Variants in NUP210 observed in about 807,000 individuals in gnomAD.
NUP210 encodes nuclear pore membrane glycoprotein 210.
NUP210 carries 151 observed loss-of-function variants against 196.0 expected under a neutral mutation model. The ratio of observed to expected loss-of-function variants is 0.77; its 90% confidence interval spans 0.67 to 0.88. NUP210 has a LOEUF of 0.88. NUP210 is among the 40% of genes least tolerant of loss of function. The probability of loss-of-function intolerance (pLI) is 0.00; values close to 1 mark genes in which losing one functional copy is unlikely to be tolerated. For synonymous variants in NUP210, 1,070 were observed against 1,052.7 expected (o/e 1.02, Z -0.32); for missense variants, 2,314 against 2,493.7 (o/e 0.93, Z 1.53).
At position 13,352,178 on chromosome 3, in the gene NUP210, G is replaced by T. The variant is rs141400679; in HGVS notation, c.2635C>A (p.Pro879Thr). The change falls in exon 19 of 40, where the codon CCT (proline) becomes ACT (threonine). Residue 879 changes from proline to threonine, a missense_variant. By Grantham distance (38) the Pro-to-Thr change is conservative (BLOSUM62 -1). Coordinates refer to ENST00000254508, the MANE Select transcript of NUP210 (RefSeq NM_024923.4). ...ATGGAGGCCGACAGAGGCACCAGAG[G>T]GTCATGCTGAAGGACAAGGGCAAGG... ...SSARTKQPHDPLVPLSASIEL... is the reference protein window; with the variant it reads ...SSARTKQPHDTLVPLSASIEL... 8 of 1,612,482 alleles carry T rather than the reference G, an allele frequency of 5.0e-6. No individual in the cohort carries two copies. The highest frequency in any genetic ancestry group is 5.1e-6 in the Non-Finnish European group (6 of 1,179,114).
chr3:13,344,672 C>T (rs1016147450), intron 20 of NUP210, among the ~76,000 whole-genome samples: 10 of 152,246 alleles, frequency 6.6e-5, no homozygotes, highest in East Asian at 3.8e-4. Flanking sequence ...AGCCTTACCA[C>T]GCCCTGTAAA....
rs572415394 is a variant in NUP210 at position 13,376,761 on chromosome 3, C to T, written c.1153-330G>A. 3.9e-5 allele frequency among the ~76,000 whole-genome samples: 6 copies of T among 152,324 alleles called. No homozygotes were observed. In the East Asian group the frequency reaches 9.6e-4, roughly 24 times the overall value. On this transcript the variant is annotated intron_variant, in intron 9 of 39. Transcript: ENST00000254508. ...AGTAAATACAAAAAAAAGGACATCA[C>T]GTCCCCTACAGCTAACTGCAAATGG...
rs1311997957 is a variant in NUP210 at position 13,375,560 on chromosome 3, T to C, written c.1375A>G (p.Ser459Gly). The change falls in exon 11 of 40, where the codon AGC (serine) becomes GGC (glycine). Residue 459 changes from serine to glycine, a missense_variant. Ser to Gly is a moderately conservative substitution (Grantham distance 56). Transcript: ENST00000254508. ...EIHIPITLYP[S>G]ILTFPWQPKT... ...GGTTGCCACGGAAATGTCAAGATGC[T>C]GGGATACAGGGTGATCGGGATGTGA... 4 of 1,614,142 alleles carry C rather than the reference T, an allele frequency of 2.5e-6. No homozygotes were observed. Among genetic ancestry groups the C allele is most frequent in the South Asian group, 1.1e-5 (1 of 91,076 alleles).
intron 1 of NUP210, among the ~76,000 whole-genome samples, chr3:13,403,049 C>G (rs546207101): frequency 6.6e-6 from 1 of 152,192 alleles, no homozygotes; most frequent in East Asian, 1.9e-4. Flanking sequence ...CTGCACTCTG[C>G]CTATTCCTCC....
At chr3:13,327,681 T>C (rs1023063503) in intron 31 of NUP210, among the ~76,000 whole-genome samples, 4 of 152,138 alleles carry the variant, frequency 2.6e-5, no homozygotes, top group African/African-American at 9.7e-5. Context: ...AGCCAAACAG[T>C]GGCAGCAGCA....
chr3:13,395,172 G>A (rs1699611899), intron 3 of NUP210, among the ~76,000 whole-genome samples: 1 of 152,158 alleles, frequency 6.6e-6, no homozygotes, highest in Non-Finnish European at 1.5e-5. Flanking sequence ...ACAGTGGCCT[G>A]GGAAGGCTGA....
rs1033836948 is a variant in NUP210, at chr3:13,393,015, C to T, written c.437-1708G>A. Among the ~76,000 whole-genome samples the T allele has an allele frequency of 1.8e-4, 28 of 152,306 alleles. 3 individuals are homozygous for T. The highest frequency in any genetic ancestry group is 8.5e-4 in the Admixed American group (13 of 15,308). ...AATAGTGTGACCCAGTAACCAGAAA[C>T]GCAAGACTGCAGACCACTAGGCAGG... On this transcript the variant is annotated intron_variant, in intron 3 of 39. Coordinates refer to ENST00000254508, the MANE Select transcript of NUP210 (RefSeq NM_024923.4).
At position 13,386,349 on chromosome 3, in the gene NUP210, G is replaced by T; in HGVS notation, c.743C>A (p.Ala248Asp). 3.1e-6 allele frequency: 5 copies of T among 1,614,156 alleles called. No homozygotes were observed. Among genetic ancestry groups the T allele is most frequent in the Non-Finnish European group, 4.2e-6 (5 of 1,180,022 alleles). ...LILENILLNP[A>D]YDVYLMVGTS... ...TCCCACCATCAGGTAGACGTCATAG[G>T]CCGGGTTCAGAAGGATGTTTTCCAA... is the stretch of plus-strand genomic sequence containing the variant. The change falls in exon 6 of 40, where the codon GCC becomes GAC. Residue 248 changes from alanine to aspartate, a missense_variant. Coordinates refer to ENST00000254508, the MANE Select transcript of NUP210 (RefSeq NM_024923.4).
chr3:13,319,393 C>G, intron 37 of NUP210, 68 bp from the exon 38 acceptor site: 3 of 1,305,786 alleles, frequency 2.3e-6, no homozygotes, highest in Non-Finnish European at 3.3e-6. Context: ...CACGTTCCTG[C>G]CCTACTGTAC....
rs1466842354 is a variant in NUP210 at position 13,379,720 on chromosome 3, T to C, written c.819A>G (p.Glu273=). Residue 273 remains glutamate (E), a splice_region_variant and synonymous_variant, in exon 7 of 40, where the codon GAA becomes GAG. Transcript: ENST00000254508. This position sits in a 1 kb window ranked among gnomAD's most constrained non-coding sequence, Gnocchi z 4.2. ...CGTACTGATCGGAAGGCATGGAGAG[T>C]TCTGGCCACCAAGAAACAAAAAATA... The part of the protein sequence containing the change: ...VQKIRQGKIT[E]LSMPSDQYEL... 1.3e-6 allele frequency: 2 copies of C among 1,564,034 alleles called. No homozygotes were observed. Among genetic ancestry groups the C allele is most frequent in the Non-Finnish European group, 1.7e-6 (2 of 1,155,372 alleles).
chr3:13,417,666 A>C (rs1700390824), intron 1 of NUP210, among the ~76,000 whole-genome samples: 1 of 152,220 alleles, frequency 6.6e-6, no homozygotes, highest in Non-Finnish European at 1.5e-5. Context: ...GATTGACAGA[A>C]TGTCTTCCTG....
At chr3:13,325,669 G>C in intron 33 of NUP210, 126 bp downstream of exon 33, 1 of 1,127,238 alleles carries the variant, frequency 8.9e-7, no homozygotes, top group Non-Finnish European at 1.3e-6. Flanking sequence ...CCAGACTCAT[G>C]ACTCCCAGAC....
Position 13,379,830 on chromosome 3 carries a change from G to T in NUP210, c.818-109C>A. ...CCCGAATCTCTGCACTCTGCTCTCA[G>T]TACAGCTGACGCATTTTCTTAATTG... On this transcript the variant is annotated intron_variant, in intron 6 of 39. Coordinates refer to ENST00000254508, the MANE Select transcript of NUP210 (RefSeq NM_024923.4). The surrounding 1 kb of genome is among the most constrained non-coding windows in gnomAD (Gnocchi z 4.2). The T allele has an allele frequency of 1.2e-6, 1 of 847,658 alleles. No homozygotes were observed. Among genetic ancestry groups the T allele is most frequent in the Non-Finnish European group, 1.8e-6 (1 of 569,268 alleles). 52.5% of individuals were successfully genotyped at this position (847,658 alleles called of 1,614,324 possible). A position where few individuals can be genotyped will look rare whatever the true frequency, so the allele number is the denominator to read the frequency against.
chr3:13,327,460 G>A (rs1248371891), intron 31 of NUP210, 23 bp from the exon 32 acceptor site: 1 of 1,554,358 alleles, frequency 6.4e-7, no homozygotes, highest in African/African-American at 1.4e-5. Context: ...GAGAAAGGAG[G>A]GCTCTCAGTC....
chr3:13,337,698 G>T, intron 26 of NUP210, 139 bp downstream of exon 26: 1 of 736,302 alleles, frequency 1.4e-6, no homozygotes, highest in Non-Finnish European at 2.3e-6. Context: ...TGTCTCCCTG[G>T]GTGGGGACAG....
chr3:13,327,457 G>C lies in NUP210; in HGVS notation c.4287-20C>G, dbSNP rs772021356. The C allele has an allele frequency of 1.3e-6, 2 of 1,565,878 alleles. No individual in the cohort carries two copies. ...TCGTCTCTAGGCACAGGAGAGAAAG[G>C]AGGGCTCTCAGTCTCGGGAAAGAAG... is the stretch of plus-strand genomic sequence containing the variant. On this transcript the variant is annotated intron_variant, in intron 31 of 39. Transcript: ENST00000254508.
At chr3:13,381,475 G>A (rs1208183603) in intron 6 of NUP210, among the ~76,000 whole-genome samples, 1 of 145,398 alleles carries the variant, frequency 6.9e-6, no homozygotes, top group Non-Finnish European at 1.5e-5. Context: ...CTGGAGTGCA[G>A]TGGCTTTCTT....
chr3:13,368,917 C>T (rs961123372), intron 13 of NUP210, among the ~76,000 whole-genome samples: 3 of 152,194 alleles, frequency 2.0e-5, no homozygotes, highest in Non-Finnish European at 4.4e-5. Flanking sequence ...TCTTTCGGAT[C>T]GTACTTTCAA....
chr3:13,343,754 C>T (rs1697614768), intron 20 of NUP210, among the ~76,000 whole-genome samples: 1 of 152,132 alleles, frequency 6.6e-6, no homozygotes, highest in Non-Finnish European at 1.5e-5. Flanking sequence ...AGAGAAGCAC[C>T]CCATGGGGTC....
Sources: gnomAD v4.1 joint callset for allele counts (sites outside exome capture counted in the v4.1 genomes callset) on GRCh38, gnomAD v4.1.1 for gene constraint, Gnocchi (gnomAD v3.1) non-coding constraint, MANE v1.5 for transcripts, NCBI Gene and HGNC (gene_info 2026-07-23, HGNC 2026-07-21) for gene names.